Variants in ARHGAP25 observed in about 807,000 individuals in gnomAD.
ARHGAP25 encodes the protein Rho GTPase activating protein 25, also known as rho GTPase-activating protein 25.
Under a neutral mutation model 71.0 loss-of-function variants are expected in ARHGAP25, and 34 were observed. The ratio of observed to expected loss-of-function variants is 0.48; its 90% CI spans 0.36 to 0.64. The LOEUF (loss-of-function observed/expected upper bound fraction) is 0.64, where lower values mean the gene tolerates loss of function less well. ARHGAP25 is among the 30% of genes least tolerant of loss of function. The pLI is 0.00. For synonymous variants in ARHGAP25, 282 were observed against 296.5 expected, an observed-to-expected ratio of 0.95 and a Z score of 0.50; for missense variants, 706 against 805.1, an observed-to-expected ratio of 0.88 and a Z score of 1.49.
At chr2:68,716,836 C>T (rs945203267) in intron 2 of ARHGAP25, among the ~76,000 whole-genome samples, 3 of 152,132 alleles carry the variant, frequency 2.0e-5, no homozygotes, top group Non-Finnish European at 2.9e-5. Flanking sequence ...CACAGCTGGT[C>T]GTTCTCTTTA....
At chr2:68,818,900 C>T (rs548534642) in intron 8 of ARHGAP25, among the ~76,000 whole-genome samples, 126 of 152,376 alleles carry the variant, frequency 8.3e-4, no homozygotes, top group African/African-American at 2.9e-3. Context: ...CCCTCTGAAA[C>T]AGCTCCCTCT....
chr2:68,720,888 C>T lies in ARHGAP25; in HGVS notation c.-18+10190C>T, dbSNP rs376158714. On this transcript the variant is annotated intron_variant and NMD_transcript_variant, in intron 2 of 7. Coordinates refer to the ARHGAP25 transcript ENST00000463483. ...CAGAGGTTTTTGGTCCAGAACTGGT[C>T]ACCACCCTCAGCATGTCACCATGCA... is the stretch of plus-strand genomic sequence containing the variant. 7.2e-5 allele frequency among the ~76,000 whole-genome samples: 11 copies of T among 152,292 alleles called. 1 individual carries two copies. The highest frequency in any genetic ancestry group is 2.6e-4 in the African/African-American group (11 of 41,550).
intron 3 of ARHGAP25, among the ~76,000 whole-genome samples, chr2:68,783,459 T>C (rs139065758): frequency 0.014 from 2,180 of 152,042 alleles, 56 homozygotes; most frequent in African/African-American, 0.049. Context: ...TTTTGTTTTT[T>C]GTTTTTGTTT....
chr2:68,730,036 A>G (rs938638549), upstream of ARHGAP25, among the ~76,000 whole-genome samples: 6 of 152,236 alleles, frequency 3.9e-5, no homozygotes, highest in Non-Finnish European at 8.8e-5. Context: ...AAAAATCATG[A>G]GGCCACTGAT....
intron 4 of ARHGAP25, among the ~76,000 whole-genome samples, chr2:68,803,337 G>A (rs1680145759): frequency 2.0e-5 from 3 of 152,208 alleles, no homozygotes; most frequent in African/African-American, 7.2e-5. Context: ...TAAGTAGGGT[G>A]TGGAATGAAC....
chr2:68,734,830 A>T lies in ARHGAP25; in HGVS notation c.-370A>T, dbSNP rs574111002. ...GGCAGCAGTTGTTTATCACGACCTC[A>T]ACTCAGTAAGGCCTGAGATTCTTTC... On this transcript the variant is annotated 5_prime_UTR_variant, in exon 1 of 11. Coordinates refer to ENST00000409202, the MANE Select transcript of ARHGAP25 (RefSeq NM_001007231.3). 18 of 274,298 alleles carry T rather than the reference A, an allele frequency of 6.6e-5. No homozygotes were observed. The East Asian group carries it at 1.4e-3, about 22-fold the overall frequency. The allele number at this position is 274,298 out of a possible 1,614,324, so 17.0% of individuals were successfully genotyped here. A position where few individuals can be genotyped will look rare whatever the true frequency, so the allele number is the denominator to read the frequency against.
At chr2:68,731,881 T>C (rs78138224), upstream of ARHGAP25, among the ~76,000 whole-genome samples, 1,048 of 152,214 alleles carry the variant, frequency 6.9e-3, 17 homozygotes, top group African/African-American at 0.024. Flanking sequence ...GTTCACTTAA[T>C]TGTTCTTCTC....
intron 6 of ARHGAP25, among the ~76,000 whole-genome samples, chr2:68,815,733 C>G (rs903077406): frequency 6.6e-6 from 1 of 152,152 alleles, no homozygotes; most frequent in Non-Finnish European, 1.5e-5. Context: ...CCAGCACATG[C>G]ATTCCTAGTA....
intron 2 of ARHGAP25, among the ~76,000 whole-genome samples, chr2:68,714,627 A>G (rs1399368642): frequency 6.6e-6 from 1 of 152,298 alleles, no homozygotes; most frequent in Middle Eastern, 3.4e-3. Context: ...ATTTAGTGCT[A>G]TACATTTCCC....
At chr2:68,817,723 G>A (rs775685696) in intron 7 of ARHGAP25, 150 bp from the exon 8 acceptor site, 76 of 979,878 alleles carry the variant, frequency 7.8e-5, no homozygotes, top group Non-Finnish European at 1.1e-4. Context: ...TCAGGATGAG[G>A]CTAAATTCTT....
chr2:68,774,956 C>T (rs993265599), intron 1 of ARHGAP25: 9 of 1,418,504 alleles, frequency 6.3e-6, no homozygotes, highest in African/African-American at 4.3e-5. Context: ...CGGGGCCCGC[C>T]GCGGTGCCGG....
chr2:68,818,105 C>T, intron 8 of ARHGAP25, 111 bp downstream of exon 8: 1 of 1,408,168 alleles, frequency 7.1e-7, no homozygotes, highest in Non-Finnish European at 9.9e-7. Context: ...AGCTGGTTAT[C>T]AATCTCATCT....
At chr2:68,730,370 C>A (rs1471524993), upstream of ARHGAP25, among the ~76,000 whole-genome samples, 1 of 152,146 alleles carries the variant, frequency 6.6e-6, no homozygotes, top group East Asian at 1.9e-4. Flanking sequence ...CCAGGCTGGA[C>A]ACAGTGGCTT....
intron 1 of ARHGAP25, among the ~76,000 whole-genome samples, chr2:68,748,003 T>C (rs1219964458): frequency 6.6e-6 from 1 of 152,204 alleles, no homozygotes; most frequent in African/African-American, 2.4e-5. Flanking sequence ...CTCGACATCT[T>C]TTAAAAGTGG....
chr2:68,813,059 A>C (rs1054819299), intron 5 of ARHGAP25, among the ~76,000 whole-genome samples: 1 of 152,170 alleles, frequency 6.6e-6, no homozygotes, highest in African/African-American at 2.4e-5. Context: ...CTTACCTTTG[A>C]GGTAGTTGGG....
intron 10 of ARHGAP25, among the ~76,000 whole-genome samples, chr2:68,825,776 C>T (rs1388864287): frequency 6.6e-6 from 1 of 150,916 alleles, no homozygotes; most frequent in African/African-American, 2.4e-5. Flanking sequence ...GAGACTCCAT[C>T]CAAAAAAAAA....
chr2:68,746,578 C>A (rs2104303043), intron 1 of ARHGAP25, among the ~76,000 whole-genome samples: 1 of 152,248 alleles, frequency 6.6e-6, no homozygotes, highest in South Asian at 2.1e-4. Context: ...CAGAGAGGCC[C>A]AGAACAAAGT....
At chr2:68,801,216 G>A (rs1281910934) in intron 4 of ARHGAP25, among the ~76,000 whole-genome samples, 2 of 152,118 alleles carry the variant, frequency 1.3e-5, no homozygotes, top group African/African-American at 2.4e-5. Context: ...TAGCTTTGAC[G>A]GATTTCTAGG....
At chr2:68,794,135 C>T (rs1286104624) in intron 4 of ARHGAP25, among the ~76,000 whole-genome samples, 1 of 152,100 alleles carries the variant, frequency 6.6e-6, no homozygotes, top group Admixed American at 6.5e-5. Flanking sequence ...TGAAACTTTA[C>T]TGAAAGCATT....
Sources: gnomAD v4.1 joint callset for allele counts (sites outside exome capture counted in the v4.1 genomes callset) on GRCh38, gnomAD v4.1.1 for gene constraint, MANE v1.5 for transcripts, NCBI Gene and HGNC (gene_info 2026-07-23, HGNC 2026-07-21) for gene names.